The following REEP1 variants were observed in gnomAD, a reference collection of about 807,000 sequenced individuals.
REEP1 encodes the protein receptor expression-enhancing protein 1.
Under a neutral mutation model 40.3 loss-of-function variants are expected in REEP1, and 22 were observed. The observed-to-expected ratio is 0.55, with a 90% confidence interval of 0.39 to 0.78. The LOEUF is 0.78. REEP1 is among the 30% of genes least tolerant of loss of function. The probability of loss-of-function intolerance (pLI) is 0.00; values close to 1 mark genes in which losing one functional copy is unlikely to be tolerated. For synonymous variants in REEP1, 116 were observed against 139.2 expected (o/e 0.83, Z 1.17); for missense variants, 280 against 361.1 (o/e 0.78, Z 1.82).
At chr2:86,313,384 T>C (rs1679854653) in intron 1 of REEP1, among the ~76,000 whole-genome samples, 1 of 151,728 alleles carries the variant, frequency 6.6e-6, no homozygotes, top group Admixed American at 6.6e-5. Context: ...TTCTGCTAAG[T>C]TGTTGGGCCA....
chr2:86,337,459 C>T lies in REEP1; in HGVS notation c.32+20G>A. 3 of 1,247,630 alleles carry T rather than the reference C, an allele frequency of 2.4e-6. No homozygotes were observed. Among genetic ancestry groups the T allele is most frequent in the Non-Finnish European group, 3.0e-6 (3 of 991,136 alleles). The allele number at this position is 1,247,630 out of a possible 1,614,324, so 77.3% of individuals were successfully genotyped here. On this transcript the variant is annotated intron_variant, in intron 1 of 8. Transcript: ENST00000538924. This position sits in a 1 kb window ranked among gnomAD's most constrained non-coding sequence, Gnocchi z 5.8. Reference sequence around the variant, plus strand: ...CGGGGAGGGAGGGGACGGAGGGGCGCGGGGGAGAAGGCCACTTACACCACC... The same window carrying T: ...CGGGGAGGGAGGGGACGGAGGGGCGTGGGGGAGAAGGCCACTTACACCACC...
intron 1 of REEP1, among the ~76,000 whole-genome samples, chr2:86,285,064 T>C (rs556997223): frequency 3.9e-5 from 6 of 152,218 alleles, no homozygotes; most frequent in Non-Finnish European, 8.8e-5. Flanking sequence ...TTCTGCTCCT[T>C]CAGACCAAGT....
At chr2:86,315,806 T>C (rs1679972936) in intron 1 of REEP1, among the ~76,000 whole-genome samples, 1 of 152,144 alleles carries the variant, frequency 6.6e-6, no homozygotes, top group African/African-American at 2.4e-5. Context: ...AGATCCAGGG[T>C]GGGTCCTGGC....
At chr2:86,219,838 AAGG>A (rs1449349636) in intron 8 of REEP1, 129 bp downstream of exon 8, 1 of 582,512 alleles carries the variant, frequency 1.7e-6, no homozygotes, top group Non-Finnish European at 2.5e-6. Context: ...TGTTTGATGG[AAGG>A]AGATCTTTCC....
chr2:86,337,995 C>G (rs1472133387), upstream of REEP1: 1 of 1,531,172 alleles, frequency 6.5e-7, no homozygotes, highest in African/African-American at 1.4e-5. This position sits in a 1 kb window ranked among gnomAD's most constrained non-coding sequence, Gnocchi z 5.8. Context: ...CCTCATTCAG[C>G]TAGTGCGTTA....
intron 1 of REEP1, among the ~76,000 whole-genome samples, chr2:86,325,225 G>T (rs7586753): frequency 0.024 from 3,681 of 152,236 alleles, 154 homozygotes; most frequent in African/African-American, 0.082. Flanking sequence ...TCCAATCTGG[G>T]CAATAGAGTG....
At chr2:86,329,414 T>G (rs921631616) in intron 1 of REEP1, among the ~76,000 whole-genome samples, 2 of 152,156 alleles carry the variant, frequency 1.3e-5, no homozygotes, top group Non-Finnish European at 2.9e-5. Flanking sequence ...ATCAAAAGGT[T>G]CTTGGCTGGG....
intron 5 of REEP1, among the ~76,000 whole-genome samples, chr2:86,249,971 T>G (rs906603450): frequency 6.6e-6 from 1 of 152,232 alleles, no homozygotes; most frequent in Admixed American, 6.5e-5. Flanking sequence ...ACTACGTTAG[T>G]CCAGCTGGAA....
intron 1 of REEP1, among the ~76,000 whole-genome samples, chr2:86,335,414 TG>T (rs1573076118): frequency 6.6e-6 from 1 of 152,168 alleles, no homozygotes; most frequent in African/African-American, 2.4e-5. Flanking sequence ...CAACTCTCCT[TG>T]GGCCACATAA....
At chr2:86,315,368 T>C (rs1192221980) in intron 1 of REEP1, among the ~76,000 whole-genome samples, 1 of 152,210 alleles carries the variant, frequency 6.6e-6, no homozygotes, top group East Asian at 1.9e-4. Context: ...GCTTGCTGGG[T>C]AACCTGCACA....
intron 1 of REEP1, among the ~76,000 whole-genome samples, chr2:86,330,455 GTGTGTGT>G (rs1286906790): frequency 3.9e-4 from 57 of 147,880 alleles, no homozygotes; most frequent in African/African-American, 1.4e-3. Flanking sequence ...GTGTGTGTGT[GTGTGTGT>G]TAAGACAGGG....
chr2:86,262,620 C>T (rs116318953), intron 3 of REEP1, among the ~76,000 whole-genome samples: 1,528 of 152,318 alleles, frequency 0.01, 39 homozygotes, highest in African/African-American at 0.034. Context: ...TGGCCTAGGA[C>T]GTCCCAGAGG....
intron 5 of REEP1, among the ~76,000 whole-genome samples, chr2:86,235,852 T>C (rs907311641): frequency 1.3e-5 from 2 of 152,192 alleles, no homozygotes; most frequent in East Asian, 1.9e-4. Context: ...GAGGAAATTA[T>C]AGTGGCATAG....
chr2:86,325,392 T>A (rs754871517), intron 1 of REEP1, among the ~76,000 whole-genome samples: 1 of 152,158 alleles, frequency 6.6e-6, no homozygotes, highest in Non-Finnish European at 1.5e-5. Context: ...GTCAGCTGAG[T>A]AATGGCCTGC....
chr2:86,269,204 C>G (rs1349628614), intron 2 of REEP1, among the ~76,000 whole-genome samples: 1 of 152,176 alleles, frequency 6.6e-6, no homozygotes, highest in Non-Finnish European at 1.5e-5. Context: ...ATCCCTTCAG[C>G]TCAGCTTGTT....
intron 1 of REEP1, among the ~76,000 whole-genome samples, chr2:86,332,100 A>C (rs1399153749): frequency 1.3e-5 from 2 of 152,156 alleles, no homozygotes; most frequent in African/African-American, 4.8e-5. Flanking sequence ...TAAAAATCCC[A>C]AAGTGAAAAT....
At position 86,337,549 on chromosome 2, in the gene REEP1, T is replaced by A; in HGVS notation, c.-39A>T. The A allele has an allele frequency of 8.2e-7, 1 of 1,222,624 alleles. No homozygotes were observed. The highest frequency in any genetic ancestry group is 1.0e-6 in the Non-Finnish European group (1 of 982,240). The allele number at this position is 1,222,624 out of a possible 1,614,324, so 75.7% of individuals were successfully genotyped here. ...GCGGGCGAGGCCCGGGCGGCGCGGCTCGGCTAGGCTGCGGGCGGCGCGGGC... is the reference window on the plus strand; with the variant it reads ...GCGGGCGAGGCCCGGGCGGCGCGGCACGGCTAGGCTGCGGGCGGCGCGGGC... On this transcript the variant is annotated 5_prime_UTR_variant, in exon 1 of 9. Coordinates refer to ENST00000538924, the MANE Select transcript of REEP1 (RefSeq NM_001371279.1). The surrounding 1 kb of genome is among the most constrained non-coding windows in gnomAD (Gnocchi z 5.8).
intron 5 of REEP1, among the ~76,000 whole-genome samples, chr2:86,238,550 C>G (rs1349593669): frequency 1.3e-5 from 2 of 152,226 alleles, no homozygotes; most frequent in Non-Finnish European, 2.9e-5. Flanking sequence ...ATTTATGGAG[C>G]TGCCGCCTGG....
At chr2:86,287,171 C>G (rs991530310) in intron 1 of REEP1, among the ~76,000 whole-genome samples, 3 of 152,192 alleles carry the variant, frequency 2.0e-5, no homozygotes, top group Non-Finnish European at 2.9e-5. Flanking sequence ...TCACTGCAAC[C>G]TCTGCCTCCC....
Sources: allele counts gnomAD v4.1 joint callset (sites outside exome capture counted in the v4.1 genomes callset), GRCh38; gene constraint gnomAD v4.1.1; non-coding constraint Gnocchi (gnomAD v3.1); transcripts MANE v1.5; gene names NCBI Gene and HGNC (gene_info 2026-07-23, HGNC 2026-07-21).